TUBD1: variants seen among roughly 807,000 people sequenced by gnomAD.
The protein encoded by TUBD1 is tubulin delta chain.
Under a neutral mutation model 51.2 loss-of-function variants are expected in TUBD1, and 38 were observed. The observed-to-expected ratio is 0.74, with a 90% CI of 0.57 to 0.97. TUBD1 has a LOEUF of 0.97. TUBD1 is among the 50% of genes least tolerant of loss of function. The pLI, the probability that TUBD1 is intolerant of heterozygous loss-of-function variation, is 0.00. For missense variants in TUBD1, 489 were observed against 538.4 expected (o/e 0.91, Z 0.91); for synonymous variants, 169 against 178.2 (o/e 0.95, Z 0.41).
chr17:59,891,288 G>A (rs1464833723), intron 1 of TUBD1, among the ~76,000 whole-genome samples: 2 of 151,966 alleles, frequency 1.3e-5, no homozygotes, highest in East Asian at 1.9e-4. Context: ...GTGCCACCAC[G>A]CCTGGCTAAT....
chr17:59,881,603 G>T (rs1253275555), intron 3 of TUBD1, among the ~76,000 whole-genome samples: 1 of 152,114 alleles, frequency 6.6e-6, no homozygotes, highest in African/African-American at 2.4e-5. Context: ...GATCAAATCA[G>T]GGTAAATGGG....
chr17:59,885,231 G>A, intron 3 of TUBD1: 1 of 495,016 alleles, frequency 2.0e-6, no homozygotes, highest in East Asian at 4.4e-5. Context: ...CATGGGGTAT[G>A]GCGACTACCC....
chr17:59,872,412 C>A (rs2040023297), intron 6 of TUBD1, among the ~76,000 whole-genome samples: 1 of 151,876 alleles, frequency 6.6e-6, no homozygotes, highest in South Asian at 2.1e-4. Context: ...CATTTTTTTA[C>A]AGAAAAGTTT....
chr17:59,864,294 C>T (rs186781699), intron 7 of TUBD1, among the ~76,000 whole-genome samples: 35 of 151,542 alleles, frequency 2.3e-4, no homozygotes, highest in African/African-American at 6.8e-4. Context: ...TACAGATGCC[C>T]GCCACCATGC....
At chr17:59,878,388 T>C in intron 4 of TUBD1, 54 bp from the exon 5 acceptor site, 2 of 1,327,018 alleles carry the variant, frequency 1.5e-6, no homozygotes, top group African/African-American at 1.5e-5. Flanking sequence ...ATGGTTAAGA[T>C]TACAGATTCT....
At chr17:59,865,575 G>A (rs759521283) in intron 7 of TUBD1, among the ~76,000 whole-genome samples, 3 of 152,156 alleles carry the variant, frequency 2.0e-5, no homozygotes, top group Non-Finnish European at 2.9e-5. Context: ...GTGAGACTCT[G>A]TCTCACACAC....
At chr17:59,885,536 T>C in intron 3 of TUBD1, 2 of 1,519,576 alleles carry the variant, frequency 1.3e-6, no homozygotes, top group South Asian at 1.1e-5. Flanking sequence ...CCTGAGTCGG[T>C]GGTTCACTAC....
intron 1 of TUBD1, among the ~76,000 whole-genome samples, chr17:59,891,524 C>G (rs1020092772): frequency 1.3e-5 from 2 of 152,150 alleles, no homozygotes. Flanking sequence ...CAAGGAAGTT[C>G]TCATACTCTC....
chr17:59,866,554 A>G (rs1187741275), intron 7 of TUBD1, 55 bp downstream of exon 7: 12 of 1,599,090 alleles, frequency 7.5e-6, no homozygotes, highest in South Asian at 1.1e-5. Context: ...CATTTGTACC[A>G]TATAGCATGT....
At position 59,860,125 on chromosome 17, in the gene TUBD1, C is replaced by T; in HGVS notation, c.*197G>A. 2.6e-6 allele frequency: 1 copy of T among 381,132 alleles called. No homozygotes were observed. Among genetic ancestry groups the T allele is most frequent in the South Asian group, 4.1e-5 (1 of 24,262 alleles). The allele number at this position is 381,132 out of a possible 1,614,324, so 23.6% of individuals were successfully genotyped here. A position where few individuals can be genotyped will look rare whatever the true frequency, so the allele number is the denominator to read the frequency against. ...CCGCCTCCTGGGTTCACGTCATTCT[C>T]CTGCCTCAGCCTCCCGAGTAGCTGG... is the stretch of plus-strand genomic sequence containing the variant. On this transcript the variant is annotated 3_prime_UTR_variant, in exon 9 of 9. Transcript: ENST00000325752.
chr17:59,890,797 C>T, intron 2 of TUBD1, 34 bp downstream of exon 2: 1 of 1,536,162 alleles, frequency 6.5e-7, no homozygotes, highest in South Asian at 1.3e-5. Context: ...TTGGTTAGAT[C>T]AGAGTAAAGG....
At chr17:59,879,671 A>G (rs577629761) in intron 4 of TUBD1, among the ~76,000 whole-genome samples, 1 of 152,010 alleles carries the variant, frequency 6.6e-6, no homozygotes, top group Admixed American at 6.6e-5. Flanking sequence ...CCTGGCCTCA[A>G]GTGATCTGCC....
chr17:59,892,415 G>A (rs985401078), intron 1 of TUBD1, among the ~76,000 whole-genome samples: 1 of 152,074 alleles, frequency 6.6e-6, no homozygotes, highest in Non-Finnish European at 1.5e-5. Flanking sequence ...CATTAGAGCA[G>A]TTCCTCATTA....
intron 6 of TUBD1, among the ~76,000 whole-genome samples, chr17:59,872,241 C>G (rs892770462): frequency 3.9e-5 from 6 of 152,008 alleles, no homozygotes; most frequent in Non-Finnish European, 7.4e-5. Flanking sequence ...CGTGAGCCAC[C>G]CTGCCGGGCC....
chr17:59,877,610 A>G (rs532092338), intron 5 of TUBD1, among the ~76,000 whole-genome samples: 1 of 152,262 alleles, frequency 6.6e-6, no homozygotes, highest in African/African-American at 2.4e-5. Flanking sequence ...TCTACTAAAA[A>G]TACAAAAATC....
At chr17:59,877,769 C>T (rs1253863211) in intron 5 of TUBD1, among the ~76,000 whole-genome samples, 3 of 120,216 alleles carry the variant, frequency 2.5e-5, no homozygotes, top group African/African-American at 1.2e-4. Flanking sequence ...CAGAGTGAGA[C>T]TCTGTCTCAA....
intron 3 of TUBD1, among the ~76,000 whole-genome samples, chr17:59,881,707 A>G (rs1292055): frequency 0.56 from 84,781 of 151,552 alleles, 25,821 homozygotes; most frequent in African/African-American, 0.82. Flanking sequence ...ACAGAGTTTC[A>G]CTCTTGTCAC....
At position 59,860,224 on chromosome 17, in the gene TUBD1, G is replaced by T; in HGVS notation, c.*98C>A. The T allele has an allele frequency of 2.2e-6, 2 of 911,320 alleles. No homozygotes were observed. Among genetic ancestry groups the T allele is most frequent in the Non-Finnish European group, 3.4e-6 (2 of 589,604 alleles). 56.5% of individuals were successfully genotyped at this position (911,320 alleles called of 1,614,324 possible). ...GTAGAGACGGTGTTTCACCGTGTTAGCCAGGATGGAGAACTTTGAAAACTT... is the reference window on the plus strand; with the variant it reads ...GTAGAGACGGTGTTTCACCGTGTTATCCAGGATGGAGAACTTTGAAAACTT... On this transcript the variant is annotated 3_prime_UTR_variant, in exon 9 of 9. Transcript: ENST00000325752.
chr17:59,876,477 C>G (rs535153441), intron 5 of TUBD1, among the ~76,000 whole-genome samples: 70 of 151,902 alleles, frequency 4.6e-4, no homozygotes, highest in African/African-American at 1.7e-3. Context: ...GCCTCTGCCT[C>G]CCAAGTAGCT....
Sources: allele counts gnomAD v4.1 joint callset (sites outside exome capture counted in the v4.1 genomes callset), GRCh38; gene constraint gnomAD v4.1.1; transcripts MANE v1.5; gene names NCBI Gene and HGNC (gene_info 2026-07-23, HGNC 2026-07-21).